SAG: variants seen among roughly 807,000 people sequenced by gnomAD.
SAG encodes S-arrestin.
In SAG, 45 loss-of-function variants were observed where a neutral mutation model predicts 55.0. The ratio of observed to expected loss-of-function variants is 0.82; its 90% CI spans 0.64 to 1.05. SAG has a LOEUF of 1.05. SAG is among the 50% of genes least tolerant of loss of function. The pLI is 0.00. For synonymous variants in SAG, 189 were observed against 197.4 expected, an observed-to-expected ratio of 0.96 and a Z score of 0.36; for missense variants, 455 against 512.1, an observed-to-expected ratio of 0.89 and a Z score of 1.08.
chr2:233,318,890 C>A, intron 4 of SAG, 95 bp downstream of exon 4: 1 of 1,036,784 alleles, frequency 9.6e-7, no homozygotes, highest in Non-Finnish European at 1.5e-6. Context: ...GAAGGAGAGA[C>A]AGGAAGGCAG....
At position 233,346,965 on chromosome 2, in the gene SAG, C is replaced by A; in HGVS notation, c.*53C>A. The A allele has an allele frequency of 4.1e-6, 4 of 976,244 alleles. No homozygotes were observed. The highest frequency in any genetic ancestry group is 4.8e-6 in the Non-Finnish European group (3 of 619,774). The allele number at this position is 976,244 out of a possible 1,614,324, so 60.5% of individuals were successfully genotyped here. ...GACCTGTAGTTACCAGTGCAACGAG[C>A]AAAGCCCCACAGTTTAGTCCTTTGG... On this transcript the variant is annotated 3_prime_UTR_variant, in exon 16 of 16. Transcript: ENST00000409110.
At chr2:233,341,682 A>G (rs990471950) in intron 13 of SAG, among the ~76,000 whole-genome samples, 1 of 152,256 alleles carries the variant, frequency 6.6e-6, no homozygotes, top group Admixed American at 6.5e-5. Flanking sequence ...TGGTTATGCC[A>G]GGGACTATAG....
At chr2:233,336,528 A>C (rs1488492455) in intron 11 of SAG, among the ~76,000 whole-genome samples, 2 of 151,508 alleles carry the variant, frequency 1.3e-5, no homozygotes, top group East Asian at 3.9e-4. Context: ...AAAAAAAAAA[A>C]CCAACCAACA....
At chr2:233,334,692 A>G (rs968155981) in intron 10 of SAG, 3 of 372,148 alleles carry the variant, frequency 8.1e-6, no homozygotes, top group Non-Finnish European at 1.5e-5. Context: ...AGTTTGTCTC[A>G]TTAACTCCAT....
chr2:233,344,752 T>C (rs988455100), intron 14 of SAG: 1 of 152,238 alleles, frequency 6.6e-6, no homozygotes, highest in African/African-American at 2.4e-5. Flanking sequence ...GGTAGGATTC[T>C]AAGCAGAGAA....
At chr2:233,343,761 G>A in intron 14 of SAG, 1 of 1,058,672 alleles carries the variant, frequency 9.4e-7, no homozygotes, top group Non-Finnish European at 1.2e-6. Context: ...GTAGGTATAG[G>A]AATAAGGGAT....
At chr2:233,343,543 A>T (rs1234431011) in intron 14 of SAG, 2 of 420,152 alleles carry the variant, frequency 4.8e-6, no homozygotes, top group South Asian at 2.4e-5. Context: ...GACTCTGAAA[A>T]CATATAAAAA....
At chr2:233,312,314 G>C (rs889703371) in intron 2 of SAG, among the ~76,000 whole-genome samples, 1 of 152,076 alleles carries the variant, frequency 6.6e-6, no homozygotes, top group South Asian at 2.1e-4. Context: ...CAGCTCCACA[G>C]TCAGGCTGCC....
Position 233,340,441 on chromosome 2 carries a change from T to A in SAG, c.1023-14T>A. On this transcript the variant is annotated splice_polypyrimidine_tract_variant and intron_variant, in intron 12 of 15. Coordinates refer to ENST00000409110, the MANE Select transcript of SAG (RefSeq NM_000541.5). This position sits in a 1 kb window ranked among gnomAD's most constrained non-coding sequence, Gnocchi z 4.2. The stretch of plus-strand genomic sequence containing the variant: ...TGTGACAGTTAACGACAGGCGTTTG[T>A]TTGTGTTTTCTAGCTTTCTGGGAGA... 6.2e-7 allele frequency: 1 copy of A among 1,609,920 alleles called. No homozygotes were observed.
In SAG at chr2:233,335,074, G is replaced by A; in HGVS notation, c.919G>A (p.Asp307Asn). 1 of 1,613,880 alleles carries A rather than the reference G, an allele frequency of 6.2e-7. No homozygotes were observed. ...CCTGGATGGGAAAATCAAGCACGAG[G>A]ACACAAACCTTGCCTCCAGCACCAT... ...IALDGKIKHE[D>N]TNLASSTIIK... The change falls in exon 11 of 16, where the codon GAC becomes AAC. Residue 307 changes from aspartate to asparagine, a missense_variant. Asp to Asn is a conservative substitution (Grantham distance 23). Coordinates refer to ENST00000409110, the MANE Select transcript of SAG (RefSeq NM_000541.5).
chr2:233,308,535 CAG>C (rs138232834), intron 1 of SAG, among the ~76,000 whole-genome samples: 1,959 of 151,088 alleles, frequency 0.013, 22 homozygotes, highest in East Asian at 0.028. Flanking sequence ...AATTGTAAAA[CAG>C]AGTGGCTATC....
Position 233,335,160 on chromosome 2 carries a change from C to G in SAG, c.944+61C>G, listed in dbSNP as rs560212009. 4 of 1,564,992 alleles carry G rather than the reference C, an allele frequency of 2.6e-6. No individual in the cohort carries two copies. The East Asian group carries it at 9.1e-5, about 36-fold the overall frequency. On this transcript the variant is annotated intron_variant, in intron 11 of 15. Transcript: ENST00000409110. ...GGGCGGGCTGGTGCTGGTCTGCTTC[C>G]CTTCACATCACCCTGCTGGGCTCGC...
intron 2 of SAG, among the ~76,000 whole-genome samples, chr2:233,311,785 G>A (rs1700081423): frequency 6.6e-6 from 1 of 152,170 alleles, no homozygotes; most frequent in African/African-American, 2.4e-5. Flanking sequence ...CATTGGTCTG[G>A]CTGTGTGTGC....
In SAG at chr2:233,340,663, G is replaced by T. The variant is rs1220102615; in HGVS notation, c.1046+185G>T. On this transcript the variant is annotated intron_variant, in intron 13 of 15. Coordinates refer to ENST00000409110, the MANE Select transcript of SAG (RefSeq NM_000541.5). This position sits in a 1 kb window ranked among gnomAD's most constrained non-coding sequence, Gnocchi z 4.2. ...GCTCATAGGCGTTTCTTTGGGACCA[G>T]ATTTCTTTGGGACCACAGCTAGACC... Among the ~76,000 whole-genome samples the T allele has an allele frequency of 6.6e-6, 1 of 152,106 alleles. No individual in the cohort carries two copies. Among genetic ancestry groups the T allele is most frequent in the African/African-American group, 2.4e-5 (1 of 41,420 alleles).
chr2:233,338,661 C>T lies in SAG; in HGVS notation c.945-15C>T, dbSNP rs780127699. On this transcript the variant is annotated splice_polypyrimidine_tract_variant and intron_variant, in intron 11 of 15. Coordinates refer to ENST00000409110, the MANE Select transcript of SAG (RefSeq NM_000541.5). ...CTGCTCTCCATCATTCTCCTTTTCC[C>T]TTCTGTTTGGGCAGCATTAAGGAGG... 1.5e-5 allele frequency: 24 copies of T among 1,611,518 alleles called. No homozygotes were observed. Among genetic ancestry groups the T allele is most frequent in the Non-Finnish European group, 1.9e-5 (22 of 1,177,990 alleles).
chr2:233,334,846 C>T, intron 10 of SAG, 116 bp from the exon 11 acceptor site: 2 of 1,258,118 alleles, frequency 1.6e-6, no homozygotes, highest in Non-Finnish European at 2.3e-6. Flanking sequence ...AACCCACCTT[C>T]CCAGGAGGTC....
intron 6 of SAG, among the ~76,000 whole-genome samples, chr2:233,325,317 C>T (rs1700516897): frequency 6.7e-6 from 1 of 148,988 alleles, no homozygotes; most frequent in East Asian, 2.0e-4. Flanking sequence ...AATTGTGCCA[C>T]TACACTCCAG....
At position 233,328,533 on chromosome 2, in the gene SAG, C is replaced by T; in HGVS notation, c.568C>T (p.Pro190Ser). The change falls in exon 8 of 16, where the codon CCC (proline) becomes TCC (serine). Residue 190 changes from proline to serine, a missense_variant. Transcript: ENST00000409110. Reference sequence around the variant, plus strand: ...ACAGCATGCCCCACTTGAGATGGGTCCCCAGCCCCGAGCTGAGGCGGCCTG... The same window carrying T: ...ACAGCATGCCCCACTTGAGATGGGTTCCCAGCCCCGAGCTGAGGCGGCCTG... Reference protein sequence around the residue: ...KVQHAPLEMGPQPRAEAAWQF... With the variant: ...KVQHAPLEMGSQPRAEAAWQF... The T allele has an allele frequency of 6.2e-7, 1 of 1,613,902 alleles. No individual in the cohort carries two copies. Among genetic ancestry groups the T allele is most frequent in the African/African-American group, 1.3e-5 (1 of 75,058 alleles).
chr2:233,339,622 C>A (rs1454734381), intron 12 of SAG, among the ~76,000 whole-genome samples: 1 of 147,586 alleles, frequency 6.8e-6, no homozygotes, highest in Non-Finnish European at 1.5e-5. Flanking sequence ...TCAAGGAAAG[C>A]AACCAGCAGG....
Sources: allele counts gnomAD v4.1 joint callset (sites outside exome capture counted in the v4.1 genomes callset), GRCh38; gene constraint gnomAD v4.1.1; non-coding constraint Gnocchi (gnomAD v3.1); transcripts MANE v1.5; gene names NCBI Gene and HGNC (gene_info 2026-07-23, HGNC 2026-07-21).